The following MPPED1 variants were observed in gnomAD, a reference collection of about 807,000 sequenced individuals.
MPPED1 encodes the protein metallophosphoesterase domain-containing protein 1.
Under a neutral mutation model 36.2 loss-of-function variants are expected in MPPED1, and 16 were observed. The ratio of observed to expected loss-of-function variants is 0.44; its 90% CI spans 0.30 to 0.67. The LOEUF is 0.67. Among genes scored for constraint, MPPED1 ranks in the 30% least tolerant of loss-of-function variants. The probability of loss-of-function intolerance (pLI) is 0.10; values close to 1 mark genes in which losing one functional copy is unlikely to be tolerated. For missense variants in MPPED1, 307 were observed against 453.4 expected (o/e 0.68, Z 2.93); for synonymous variants, 199 against 191.3 (o/e 1.04, Z -0.33).
intron 2 of MPPED1, among the ~76,000 whole-genome samples, chr22:43,433,766 A>C (rs1471028664): frequency 2.6e-5 from 4 of 152,222 alleles, no homozygotes; most frequent in African/African-American, 9.6e-5. Flanking sequence ...GTCTGAAAAA[A>C]AAAAAAGGAT....
At position 43,502,086 on chromosome 22, in the gene MPPED1, C is replaced by A. The variant is rs947803311; in HGVS notation, c.749-558C>A. Among the ~76,000 whole-genome samples the A allele has an allele frequency of 4.6e-5, 7 of 152,138 alleles. No homozygotes were observed. On this transcript the variant is annotated intron_variant, in intron 5 of 6. Transcript: ENST00000443721. The surrounding 1 kb of genome is among the most constrained non-coding windows in gnomAD (Gnocchi z 5.5). The stretch of plus-strand genomic sequence containing the variant: ...CTGGGCGGCTCCAGGAGGCTGGCAG[C>A]GGGGGCAGGCGCAGGCGCAGCCACG...
intron 3 of MPPED1, among the ~76,000 whole-genome samples, chr22:43,466,124 GA>G (rs1213593380): frequency 6.6e-6 from 1 of 152,190 alleles, no homozygotes; most frequent in African/African-American, 2.4e-5. Flanking sequence ...CATTTCCCAG[GA>G]AAAACAAATG....
At chr22:43,451,256 C>T (rs1930558434) in intron 3 of MPPED1, among the ~76,000 whole-genome samples, 1 of 152,128 alleles carries the variant, frequency 6.6e-6, no homozygotes. Flanking sequence ...CCACCCGCCT[C>T]GGCCTCTCAA....
At chr22:43,490,071 A>G (rs368509375) in intron 4 of MPPED1, among the ~76,000 whole-genome samples, 5 of 152,334 alleles carry the variant, frequency 3.3e-5, no homozygotes, top group African/African-American at 1.2e-4. Context: ...GTGAGCAGCC[A>G]GGGGCAGAAC....
chr22:43,429,970 G>T (rs1929617026), intron 2 of MPPED1, among the ~76,000 whole-genome samples: 1 of 152,196 alleles, frequency 6.6e-6, no homozygotes. Flanking sequence ...GGGTCCCCTT[G>T]GACGCAGTGC....
chr22:43,451,716 C>G (rs1490970105), intron 3 of MPPED1, among the ~76,000 whole-genome samples: 1 of 152,236 alleles, frequency 6.6e-6, no homozygotes, highest in Non-Finnish European at 1.5e-5. Context: ...GCGCCGCACC[C>G]CCTTAAAACT....
At chr22:43,431,028 T>C (rs1349195329) in intron 2 of MPPED1, among the ~76,000 whole-genome samples, 1 of 33,182 alleles carries the variant, frequency 3.0e-5, no homozygotes. Flanking sequence ...TTAATTTTTT[T>C]TTTTTTTTTT....
chr22:43,466,470 C>T (rs948230921), intron 3 of MPPED1, among the ~76,000 whole-genome samples: 1 of 152,182 alleles, frequency 6.6e-6, no homozygotes, highest in Non-Finnish European at 1.5e-5. Flanking sequence ...TACATTGCAG[C>T]GTTAATCTTC....
At chr22:43,418,264 G>A (rs1929145172) in intron 1 of MPPED1, 4 of 412,726 alleles carry the variant, frequency 9.7e-6, no homozygotes, top group Admixed American at 7.8e-5. Flanking sequence ...GGGCTGTCCT[G>A]GGCCTGCGCT....
chr22:43,497,945 A>ATATATATG lies in MPPED1; in HGVS notation c.633-287_633-286insATATGTAT, dbSNP rs1569090532. The stretch of plus-strand genomic sequence containing the variant: ...TATATATATGTATATGTATATATAT[A>ATATATATG]TATGTATTTAGCTTTCTTTTTTTTT... On this transcript the variant is annotated intron_variant, in intron 4 of 6. Transcript: ENST00000443721. 1.1e-4 allele frequency among the ~76,000 whole-genome samples: 11 copies of ATATATATG among 97,070 alleles called. 1 individual carries two copies. In the South Asian group the frequency reaches 3.2e-3, roughly 28 times the overall value. The allele number at this position is 97,070 out of a possible 152,430, so 63.7% of individuals were successfully genotyped here.
chr22:43,491,320 T>C (rs1201700167), intron 4 of MPPED1, among the ~76,000 whole-genome samples: 1 of 151,640 alleles, frequency 6.6e-6, no homozygotes, highest in Non-Finnish European at 1.5e-5. Context: ...ATGGTGATGA[T>C]GATGGTAATG....
At chr22:43,417,773 G>T in intron 1 of MPPED1, 1 of 272,822 alleles carries the variant, frequency 3.7e-6, no homozygotes, top group Non-Finnish European at 7.3e-6. Flanking sequence ...GCATCGCCCT[G>T]AGCCACCGGC....
intron 1 of MPPED1, among the ~76,000 whole-genome samples, chr22:43,422,181 C>T (rs1222206136): frequency 3.3e-5 from 5 of 152,310 alleles, no homozygotes; most frequent in Admixed American, 6.5e-5. Context: ...AGGGCAGAGG[C>T]GGAAGCCAGG....
intron 4 of MPPED1, among the ~76,000 whole-genome samples, chr22:43,488,498 C>CGAG (rs1015478947): frequency 3.3e-5 from 5 of 152,114 alleles, no homozygotes; most frequent in Admixed American, 6.5e-5. Context: ...CGATTGGCCA[C>CGAG]GAGGAGGTCA....
At chr22:43,495,480 TGGTGGTGGAGGTAGTGGTGGTGGA>T (rs1569088587) in intron 4 of MPPED1, among the ~76,000 whole-genome samples, 2 of 48,730 alleles carry the variant, frequency 4.1e-5, no homozygotes, top group African/African-American at 1.5e-4. Flanking sequence ...ATGGTGGAGG[TGGTGGTGGAGGTAGTGGTGGTGGA>T]GGTGGTGGTG....
intron 5 of MPPED1, among the ~76,000 whole-genome samples, chr22:43,500,772 T>A (rs1425775200): frequency 1.3e-5 from 2 of 151,844 alleles, no homozygotes; most frequent in African/African-American, 2.4e-5. Flanking sequence ...GGGTAGAGGG[T>A]TCAGGAACAG....
rs186114535 is a variant in MPPED1, at chr22:43,414,013, C to T, written c.-79+1855C>T. ...CCTCTGATGTAACCACCCCGTGGTA[C>T]GCTTAGAATCACTCACATCCACCCT... is the stretch of plus-strand genomic sequence containing the variant. On this transcript the variant is annotated intron_variant, in intron 1 of 6. Transcript: ENST00000443721. Among the ~76,000 whole-genome samples the T allele has an allele frequency of 8.3e-4, 127 of 152,270 alleles. 1 individual carries two copies. The highest frequency in any genetic ancestry group is 2.4e-3 in the Admixed American group (37 of 15,296).
chr22:43,414,822 C>T (rs1929021745), intron 1 of MPPED1, among the ~76,000 whole-genome samples: 1 of 152,144 alleles, frequency 6.6e-6, no homozygotes, highest in Admixed American at 6.5e-5. Flanking sequence ...GCAATAAGTA[C>T]CTTTGTCTGC....
intron 4 of MPPED1, among the ~76,000 whole-genome samples, chr22:43,496,922 G>A (rs1477812056): frequency 3.7e-4 from 1 of 2,684 alleles, no homozygotes; most frequent in Admixed American, 4.6e-3. Context: ...GGTGGTGGAG[G>A]TGGTGGTGGT....
Sources: allele counts gnomAD v4.1 joint callset (sites outside exome capture counted in the v4.1 genomes callset), GRCh38; gene constraint gnomAD v4.1.1; non-coding constraint Gnocchi (gnomAD v3.1); transcripts MANE v1.5; gene names NCBI Gene and HGNC (gene_info 2026-07-23, HGNC 2026-07-21).